ZNF248: variants seen among roughly 807,000 people sequenced by gnomAD.
ZNF248 encodes the protein KRAB protein domain.
Under a neutral mutation model 44.3 loss-of-function variants are expected in ZNF248, and 20 were observed. That is an observed-to-expected ratio of 0.45 (90% CI 0.32 to 0.66). ZNF248 has a LOEUF of 0.66. Among genes scored for constraint, ZNF248 ranks in the 30% least tolerant of loss-of-function variants. The probability of loss-of-function intolerance (pLI) is 0.04; values close to 1 mark genes in which losing one functional copy is unlikely to be tolerated. For missense variants in ZNF248, 654 were observed against 677.0 expected (o/e 0.97, Z 0.38); for synonymous variants, 224 against 229.0 (o/e 0.98, Z 0.20).
downstream of ZNF248, chr10:37,775,678 T>G (rs904279886): frequency 6.6e-6 from 1 of 152,224 alleles, no homozygotes; most frequent in Non-Finnish European, 1.5e-5. Flanking sequence ...AATCCGGGAC[T>G]AATTCAACAA....
Position 37,831,757 on chromosome 10 carries a change from G to A in ZNF248, c.1598C>T (p.Ser533Leu). 6.2e-7 allele frequency: 1 copy of A among 1,613,294 alleles called. No individual in the cohort carries two copies. Among genetic ancestry groups the A allele is most frequent in the Non-Finnish European group, 8.5e-7 (1 of 1,179,344 alleles). ...AGTCCTCTGATGTTTAGTGAGAGCTGATTTTTCACAGAAGGTTTTCCCACA... is the reference window on the plus strand; with the variant it reads ...AGTCCTCTGATGTTTAGTGAGAGCTAATTTTTCACAGAAGGTTTTCCCACA... ...NECGKTFCEKSALTKHQRTHT... is the reference protein window; with the variant it reads ...NECGKTFCEKLALTKHQRTHT... The change falls in exon 6 of 6, where the codon TCA becomes TTA. Residue 533 changes from serine to leucine, a missense_variant. Transcript: ENST00000395867.
At chr10:37,847,341 C>T (rs2059493207) in intron 3 of ZNF248, among the ~76,000 whole-genome samples, 1 of 152,186 alleles carries the variant, frequency 6.6e-6, no homozygotes, top group Non-Finnish European at 1.5e-5. Context: ...TCACCACAAC[C>T]TCCTCCACTA....
At position 37,857,347 on chromosome 10, in the gene ZNF248, C is replaced by G. The variant is rs760401607; in HGVS notation, c.-288G>C. 4.6e-5 allele frequency: 7 copies of G among 152,306 alleles called. No individual in the cohort carries two copies. Among genetic ancestry groups the G allele is most frequent in the Non-Finnish European group, 1.0e-4 (7 of 68,120 alleles). 9.4% of individuals were successfully genotyped at this position (152,306 alleles called of 1,614,324 possible). A position where few individuals can be genotyped will look rare whatever the true frequency, so the allele number is the denominator to read the frequency against. ...CAGAGCCAGCAGGGGCCCTGGTGGT[C>G]AGCTAGGCCAGCCCCTTCGCTCCTG... On this transcript the variant is annotated 5_prime_UTR_variant, in exon 1 of 6. Transcript: ENST00000395867.
In ZNF248 at chr10:37,830,141, A is replaced by G. The variant is rs183573467; in HGVS notation, c.*1474T>C. On this transcript the variant is annotated 3_prime_UTR_variant, in exon 6 of 6. Coordinates refer to ENST00000395867, the MANE Select transcript of ZNF248 (RefSeq NM_021045.3). ...ACAATGAAAAATCAAGGATATCAAA[A>G]GGGCCTTTCATTACATACCGCCACT... 5.1e-6 allele frequency: 5 copies of G among 985,436 alleles called. No homozygotes were observed. The East Asian group carries it at 5.7e-4, about 112-fold the overall frequency. The allele number at this position is 985,436 out of a possible 1,614,324, so 61.0% of individuals were successfully genotyped here.
chr10:37,761,141 C>A, the ZNF248 span, among the ~76,000 whole-genome samples: 1 of 152,262 alleles, frequency 6.6e-6, no homozygotes, highest in Admixed American at 6.5e-5. Context: ...TCCAAGGTCA[C>A]CAACAGACAG....
At chr10:37,789,326 G>T (rs1237124379) in intron 6 of ZNF248, among the ~76,000 whole-genome samples, 1 of 151,806 alleles carries the variant, frequency 6.6e-6, no homozygotes, top group Non-Finnish European at 1.5e-5. Context: ...AATGGAGACT[G>T]CTTTGAGCAA....
chr10:37,769,124 T>A, the ZNF248 span, among the ~76,000 whole-genome samples: 3 of 152,114 alleles, frequency 2.0e-5, no homozygotes, highest in African/African-American at 7.2e-5. Flanking sequence ...ATTGTGGCAA[T>A]AGTCAATAGC....
chr10:37,832,947 G>T lies in ZNF248; in HGVS notation c.408C>A (p.Pro136=). The part of the protein sequence containing the change: ...GTDPVSLRNY[P]YKICDSCEMN... ...TTTCACATGAGTCACATATTTTATA[G>T]GGATAATTTCTTAAAGAAACAGGGT... The change falls in exon 6 of 6, where the codon CCC becomes CCA. Residue 136 remains proline (P), a synonymous_variant. Transcript: ENST00000395867. 6.2e-7 allele frequency: 1 copy of T among 1,613,382 alleles called. No individual in the cohort carries two copies. The highest frequency in any genetic ancestry group is 8.5e-7 in the Non-Finnish European group (1 of 1,179,706).
intron 3 of ZNF248, among the ~76,000 whole-genome samples, chr10:37,843,604 A>T (rs1265550287): frequency 6.6e-6 from 1 of 152,202 alleles, no homozygotes; most frequent in African/African-American, 2.4e-5. Context: ...TCCTTAAGGA[A>T]GCCCAGATAT....
At chr10:37,802,067 T>C (rs917380614) in intron 6 of ZNF248, among the ~76,000 whole-genome samples, 2 of 152,232 alleles carry the variant, frequency 1.3e-5, no homozygotes, top group African/African-American at 4.8e-5. Context: ...GAAAACTGAC[T>C]TTGCTCAGTT....
intron 5 of ZNF248, among the ~76,000 whole-genome samples, chr10:37,833,668 C>T (rs1395256515): frequency 6.6e-6 from 1 of 152,052 alleles, no homozygotes; most frequent in Non-Finnish European, 1.5e-5. Flanking sequence ...ACATCAACTT[C>T]CTTGGATTCA....
chr10:37,791,947 C>G (rs1222959671), intron 6 of ZNF248: 1 of 152,112 alleles, frequency 6.6e-6, no homozygotes, highest in African/African-American at 2.4e-5. Flanking sequence ...AGGATGATAC[C>G]AAGAATAAAA....
At chr10:37,849,498 C>T (rs77603753) in intron 3 of ZNF248, among the ~76,000 whole-genome samples, 2,270 of 151,310 alleles carry the variant, frequency 0.015, 146 homozygotes, top group Admixed American at 0.11. Context: ...GCCTGGCTAA[C>T]AAGGTGAAAC....
chr10:37,822,737 G>A (rs905184856), intron 6 of ZNF248, among the ~76,000 whole-genome samples: 4 of 152,040 alleles, frequency 2.6e-5, no homozygotes, highest in South Asian at 4.1e-4. Context: ...TAACACTAAC[G>A]ATAGGTGATG....
chr10:37,828,036 C>T (rs1269379395), downstream of ZNF248, among the ~76,000 whole-genome samples: 1 of 152,122 alleles, frequency 6.6e-6, no homozygotes, highest in Non-Finnish European at 1.5e-5. Context: ...AACATGAGTG[C>T]ACTGGGGGAT....
rs1052002302 is a variant in ZNF248 at position 37,780,970 on chromosome 10, C to T, written c.331-4395G>A. On this transcript the variant is annotated intron_variant, in intron 6 of 6. Coordinates refer to the ZNF248 transcript ENST00000615949. The stretch of plus-strand genomic sequence containing the variant: ...GGCGCAGAGCACAGTTGTTGGGGAC[C>T]GTGCGGGACACGTTTTTGTTCGGGA... Among the ~76,000 whole-genome samples, 51 of 152,116 alleles carry T rather than the reference C, an allele frequency of 3.4e-4. 1 individual carries two copies. The highest frequency in any genetic ancestry group is 7.4e-5 in the Non-Finnish European group (5 of 68,026).
chr10:37,808,451 T>A (rs575796630), intron 6 of ZNF248, among the ~76,000 whole-genome samples: 1 of 151,990 alleles, frequency 6.6e-6, no homozygotes, highest in African/African-American at 2.4e-5. Flanking sequence ...CCTGGTTGAT[T>A]TTTTTTAATT....
At chr10:37,767,977 T>C in the ZNF248 span, among the ~76,000 whole-genome samples, 1 of 152,192 alleles carries the variant, frequency 6.6e-6, no homozygotes. Context: ...GTTGCAATCC[T>C]AGTCTCTGAT....
At position 37,831,619 on chromosome 10, in the gene ZNF248, G is replaced by T; in HGVS notation, c.1736C>A (p.Ser579Tyr). Residue 579 changes from serine to tyrosine, a missense_variant, in exon 6 of 6, where the codon TCC (serine) becomes TAC (tyrosine). Transcript: ENST00000395867. ...GTGTATGAAGGCTTCTAACATTCAG[G>T]ATGTTGAAAGAGCTTTCACCCTTGT... is the stretch of plus-strand genomic sequence containing the variant. ...IHTRVKALST[S>Y] 6.2e-7 allele frequency: 1 copy of T among 1,611,968 alleles called. No homozygotes were observed. Among genetic ancestry groups the T allele is most frequent in the South Asian group, 1.1e-5 (1 of 91,026 alleles).
Sources: allele counts gnomAD v4.1 joint callset (sites outside exome capture counted in the v4.1 genomes callset), GRCh38; gene constraint gnomAD v4.1.1; transcripts MANE v1.5; gene names NCBI Gene and HGNC (gene_info 2026-07-23, HGNC 2026-07-21).